ENTPD1: variants seen among roughly 807,000 people sequenced by gnomAD.
ENTPD1 encodes ATP diphosphohydrolase.
Under a neutral mutation model 57.0 loss-of-function variants are expected in ENTPD1, and 33 were observed. The observed-to-expected ratio is 0.58, with a 90% CI of 0.44 to 0.77. The LOEUF (loss-of-function observed/expected upper bound fraction) is 0.77. ENTPD1 is among the 30% of genes least tolerant of loss of function. ENTPD1 has a pLI of 0.00. For missense variants in ENTPD1, 501 were observed against 603.4 expected (o/e 0.83, Z 1.78); for synonymous variants, 202 against 218.8 (o/e 0.92, Z 0.68).
chr10:95,734,932 C>G (rs2097992960), intron 1 of ENTPD1, among the ~76,000 whole-genome samples: 1 of 151,862 alleles, frequency 6.6e-6, no homozygotes. Context: ...TTCTGTTTTT[C>G]ATGGAAGAAA....
chr10:95,849,702 C>T (rs1472609112), intron 7 of ENTPD1, among the ~76,000 whole-genome samples: 2 of 152,366 alleles, frequency 1.3e-5, no homozygotes, highest in East Asian at 3.9e-4. Context: ...AAATACATGA[C>T]AAGACAATGA....
At chr10:95,799,122 T>C (rs1227381220) in intron 1 of ENTPD1, among the ~76,000 whole-genome samples, 1 of 152,138 alleles carries the variant, frequency 6.6e-6, no homozygotes, top group Non-Finnish European at 1.5e-5. Context: ...TAATACCCAT[T>C]TAGGGATTAA....
intron 1 of ENTPD1, among the ~76,000 whole-genome samples, chr10:95,729,989 C>G (rs75409261): frequency 0.037 from 5,680 of 152,210 alleles, 130 homozygotes; most frequent in Non-Finnish European, 0.049. Flanking sequence ...AATGTTTTTC[C>G]TAATTCACTG....
chr10:95,815,136 A>G (rs898512400), intron 1 of ENTPD1, among the ~76,000 whole-genome samples: 34 of 152,216 alleles, frequency 2.2e-4, no homozygotes, highest in Non-Finnish European at 4.7e-4. Flanking sequence ...TTGGAGAAAT[A>G]TGGGGTTGGG....
chr10:95,743,487 C>A (rs930529930), intron 1 of ENTPD1, among the ~76,000 whole-genome samples: 2 of 152,258 alleles, frequency 1.3e-5, no homozygotes, highest in African/African-American at 4.8e-5. Flanking sequence ...TTATGCTTTA[C>A]CTCCTAGAGA....
At chr10:95,836,794 G>C (rs1047597227) in intron 2 of ENTPD1, among the ~76,000 whole-genome samples, 1 of 152,198 alleles carries the variant, frequency 6.6e-6, no homozygotes, top group Admixed American at 6.5e-5. Context: ...GAAAATGCTG[G>C]TGTGGTGGAA....
At chr10:95,729,165 T>C (rs1361817580) in intron 1 of ENTPD1, among the ~76,000 whole-genome samples, 2 of 152,280 alleles carry the variant, frequency 1.3e-5, no homozygotes, top group African/African-American at 4.8e-5. Flanking sequence ...TGTTCAAAGG[T>C]ACTTGAATTC....
chr10:95,731,441 A>G (rs542693758), intron 1 of ENTPD1, among the ~76,000 whole-genome samples: 12 of 152,146 alleles, frequency 7.9e-5, no homozygotes, highest in African/African-American at 2.9e-4. Flanking sequence ...AGCCCTCACC[A>G]TTCCTTATGA....
rs75087499 is a variant in ENTPD1 at position 95,813,135 on chromosome 10, G to A, written c.17-10102G>A. Reference sequence around the variant, plus strand: ...GAGGAGACTTTATTTCTTATAAAAGGTTACAGCCTGCAGGATGGCCATTTT... The same window carrying A: ...GAGGAGACTTTATTTCTTATAAAAGATTACAGCCTGCAGGATGGCCATTTT... On this transcript the variant is annotated intron_variant, in intron 1 of 9. Transcript: ENST00000371205. 1.1e-4 allele frequency among the ~76,000 whole-genome samples: 17 copies of A among 152,218 alleles called. No individual in the cohort carries two copies. In the East Asian group the frequency reaches 3.3e-3, roughly 29 times the overall value.
intron 1 of ENTPD1, among the ~76,000 whole-genome samples, chr10:95,757,719 G>C (rs2098033853): frequency 6.6e-6 from 1 of 151,972 alleles, no homozygotes; most frequent in South Asian, 2.1e-4. Flanking sequence ...AGTCTGGACT[G>C]GGGGGCTGGA....
At chr10:95,730,527 A>G (rs1226871559) in intron 1 of ENTPD1, among the ~76,000 whole-genome samples, 1 of 137,752 alleles carries the variant, frequency 7.3e-6, no homozygotes, top group East Asian at 2.0e-4. Context: ...AAAGTAAAGT[A>G]CAGTGAAAAA....
chr10:95,754,603 T>C (rs2098017893), upstream of ENTPD1: 1 of 152,194 alleles, frequency 6.6e-6, no homozygotes, highest in Admixed American at 6.5e-5. Context: ...TGTTGGTTTT[T>C]ACAAAAAATC....
rs761921195 is a variant in ENTPD1, at chr10:95,839,819, G to A, written c.262+11G>A. The A allele has an allele frequency of 1.9e-6, 3 of 1,613,670 alleles. No individual in the cohort carries two copies. The South Asian group carries it at 3.3e-5, about 18-fold the overall frequency. On this transcript the variant is annotated intron_variant, in intron 3 of 9. Coordinates refer to ENST00000371205, the MANE Select transcript of ENTPD1 (RefSeq NM_001776.6). ...AATGCAGGGTTAAAGGTAAGATGAA[G>A]ACCAAGGGAAGGGGAGGCCAACAGT... is the stretch of plus-strand genomic sequence containing the variant.
At chr10:95,749,955 C>T (rs1220086584) in intron 1 of ENTPD1, among the ~76,000 whole-genome samples, 1 of 152,094 alleles carries the variant, frequency 6.6e-6, no homozygotes, top group Non-Finnish European at 1.5e-5. Context: ...GAGGCTATCA[C>T]AATAATACAG....
chr10:95,839,536 T>C (rs2098418233), intron 2 of ENTPD1, 155 bp from the exon 3 acceptor site: 1 of 771,480 alleles, frequency 1.3e-6, no homozygotes, highest in African/African-American at 1.7e-5. Context: ...TCCTGGTAGA[T>C]CTTGTGATCG....
intron 1 of ENTPD1, among the ~76,000 whole-genome samples, chr10:95,773,381 G>A (rs1160728209): frequency 6.6e-6 from 1 of 152,132 alleles, no homozygotes; most frequent in Non-Finnish European, 1.5e-5. Flanking sequence ...GGATGACTAG[G>A]TGCATTGTCA....
At chr10:95,822,697 A>G (rs2140552249) in intron 1 of ENTPD1, among the ~76,000 whole-genome samples, 1 of 152,356 alleles carries the variant, frequency 6.6e-6, no homozygotes, top group South Asian at 2.1e-4. Flanking sequence ...TTATGATCCA[A>G]AATGTTCAAG....
At chr10:95,793,024 A>G (rs1255235914) in intron 1 of ENTPD1, among the ~76,000 whole-genome samples, 2 of 151,984 alleles carry the variant, frequency 1.3e-5, no homozygotes, top group Non-Finnish European at 2.9e-5. Context: ...GTGCCTTGGG[A>G]TTCCTTACGT....
Position 95,870,029 on chromosome 10 carries a change from T to C in ENTPD1, c.*3646T>C. The C allele has an allele frequency of 1.0e-6, 1 of 985,218 alleles. No homozygotes were observed. Among genetic ancestry groups the C allele is most frequent in the Non-Finnish European group, 1.2e-6 (1 of 829,872 alleles). The allele number at this position is 985,218 out of a possible 1,614,324, so 61.0% of individuals were successfully genotyped here. ...CCCTCATTGTCTTTCCCTTGGGAGG[T>C]AGTTTAAAGAGCTATAGATGCTGTA... On this transcript the variant is annotated 3_prime_UTR_variant, in exon 10 of 10. Coordinates refer to ENST00000371205, the MANE Select transcript of ENTPD1 (RefSeq NM_001776.6).
Sources: allele counts gnomAD v4.1 joint callset (sites outside exome capture counted in the v4.1 genomes callset), GRCh38; gene constraint gnomAD v4.1.1; transcripts MANE v1.5; gene names NCBI Gene and HGNC (gene_info 2026-07-23, HGNC 2026-07-21).